Variants in TRMT1L observed in about 807,000 individuals in gnomAD.
The protein encoded by TRMT1L is tRNA (guanine(27)-N(2))-dimethyltransferase.
TRMT1L carries 28 observed loss-of-function variants against 81.6 expected under a neutral mutation model. The observed-to-expected ratio is 0.34, with a 90% CI of 0.25 to 0.47. The LOEUF (loss-of-function observed/expected upper bound fraction) is 0.47. Among genes scored for constraint, TRMT1L ranks in the 20% least tolerant of loss-of-function variants. The probability of loss-of-function intolerance (pLI) is 1.00; values close to 1 mark genes in which losing one functional copy is unlikely to be tolerated. For synonymous variants in TRMT1L, 301 were observed against 303.2 expected (o/e 0.99, Z 0.07); for missense variants, 739 against 877.1 (o/e 0.84, Z 1.99).
intron 10 of TRMT1L, among the ~76,000 whole-genome samples, chr1:185,132,713 C>A (rs1652804889): frequency 6.6e-6 from 1 of 151,878 alleles, no homozygotes; most frequent in Non-Finnish European, 1.5e-5. Context: ...ACAAGAAAAG[C>A]AGCAGACTTC....
intron 10 of TRMT1L, among the ~76,000 whole-genome samples, chr1:185,129,841 G>A (rs1194568190): frequency 9.2e-6 from 1 of 108,562 alleles, no homozygotes; most frequent in African/African-American, 5.3e-5. Flanking sequence ...TAGCACTGAC[G>A]TAAAGTTTTG....
intron 10 of TRMT1L, among the ~76,000 whole-genome samples, chr1:185,132,077 G>A (rs543229045): frequency 4.9e-4 from 75 of 152,148 alleles, no homozygotes; most frequent in African/African-American, 1.8e-3. Context: ...GGAGGCAGAG[G>A]TTGCAGTGAG....
At chr1:185,141,468 C>T (rs1279264049) in intron 7 of TRMT1L, among the ~76,000 whole-genome samples, 2 of 152,138 alleles carry the variant, frequency 1.3e-5, no homozygotes, top group African/African-American at 4.8e-5. Context: ...CTTTGGGAGG[C>T]TGGGGCGGGT....
intron 10 of TRMT1L, among the ~76,000 whole-genome samples, chr1:185,133,748 C>T (rs979862908): frequency 6.6e-6 from 1 of 152,046 alleles, no homozygotes; most frequent in African/African-American, 2.4e-5. Context: ...AGGGCACAAA[C>T]CACTGACCAA....
chr1:185,147,487 A>G (rs1409002271), intron 3 of TRMT1L, among the ~76,000 whole-genome samples: 2 of 152,156 alleles, frequency 1.3e-5, no homozygotes. Flanking sequence ...TTTGAATTCT[A>G]GTTCCGCCAT....
At chr1:185,156,352 T>C (rs1571363991) in intron 1 of TRMT1L, 126 bp downstream of exon 1, 1 of 1,604,546 alleles carries the variant, frequency 6.2e-7, no homozygotes, top group South Asian at 1.1e-5. Context: ...CCCTCTTTCC[T>C]CCCCACCATT....
chr1:185,136,531 T>C (rs907470578), intron 10 of TRMT1L, among the ~76,000 whole-genome samples: 2 of 152,224 alleles, frequency 1.3e-5, no homozygotes, highest in Non-Finnish European at 2.9e-5. Flanking sequence ...ATGAAAAGCA[T>C]ATCATATTTG....
At chr1:185,127,672 T>C (rs1234149996) in intron 11 of TRMT1L, among the ~76,000 whole-genome samples, 1 of 149,542 alleles carries the variant, frequency 6.7e-6, no homozygotes, top group Non-Finnish European at 1.5e-5. Flanking sequence ...GGTAGGAAAA[T>C]TGCTTGAACC....
intron 2 of TRMT1L, among the ~76,000 whole-genome samples, chr1:185,150,695 A>C (rs1041232461): frequency 6.7e-6 from 1 of 149,908 alleles, no homozygotes; most frequent in African/African-American, 2.5e-5. Context: ...TTTCACCCTA[A>C]AATTTCCCTC....
Position 185,123,772 on chromosome 1 carries a change from T to C in TRMT1L, c.1822+85A>G, listed in dbSNP as rs978397975. 2.1e-5 allele frequency: 16 copies of C among 775,508 alleles called. No homozygotes were observed. The Admixed American group carries it at 5.3e-4, about 25-fold the overall frequency. 48.0% of individuals were successfully genotyped at this position (775,508 alleles called of 1,614,324 possible). ...AAATGTATTTTTAAGTAGGCTACCA[T>C]GGCAATCTCTTCTCTTCCTACCCTT... On this transcript the variant is annotated intron_variant, in intron 13 of 14. Transcript: ENST00000367506.
chr1:185,153,830 T>G (rs1300453076), intron 1 of TRMT1L, among the ~76,000 whole-genome samples: 3 of 152,164 alleles, frequency 2.0e-5, no homozygotes, highest in South Asian at 4.2e-4. Flanking sequence ...TAATATTATG[T>G]TATTAGGTTA....
intron 10 of TRMT1L, among the ~76,000 whole-genome samples, chr1:185,130,304 TTAAA>T (rs1422462437): frequency 1.3e-5 from 2 of 152,162 alleles, no homozygotes; most frequent in Admixed American, 1.3e-4. Flanking sequence ...ATGCAACAGA[TTAAA>T]CATGCACTCT....
intron 7 of TRMT1L, among the ~76,000 whole-genome samples, chr1:185,140,555 C>G (rs1049181678): frequency 1.3e-5 from 2 of 151,882 alleles, no homozygotes; most frequent in African/African-American, 4.8e-5. Flanking sequence ...TGGGATTACT[C>G]TGCTTGAAGG....
At chr1:185,124,757 A>G in intron 12 of TRMT1L, 187 bp downstream of exon 12, 1 of 444,260 alleles carries the variant, frequency 2.3e-6, no homozygotes, top group Non-Finnish European at 3.8e-6. Context: ...CTCAGGCCTG[A>G]TTACAAGCCT....
chr1:185,151,933 T>C lies in TRMT1L; in HGVS notation c.238A>G (p.Arg80Gly). The C allele has an allele frequency of 1.3e-6, 2 of 1,572,618 alleles. No homozygotes were observed. Among genetic ancestry groups the C allele is most frequent in the South Asian group, 1.2e-5 (1 of 84,538 alleles). The part of the protein sequence containing the change: ...ASAPEEAKSK[R>G]HISIQRQLAD... ...AGCTGCCTTTGAATTGAGATGTGTC[T>C]CTCTGAAAAAAAAAATTGAGAAGAT... Residue 80 changes from arginine to glycine, a missense_variant and splice_region_variant, in exon 2 of 15, where the codon AGA becomes GGA. Coordinates refer to ENST00000367506, the MANE Select transcript of TRMT1L (RefSeq NM_030934.5).
chr1:185,128,616 A>G, intron 11 of TRMT1L, 53 bp downstream of exon 11: 1 of 1,521,408 alleles, frequency 6.6e-7, no homozygotes, highest in Non-Finnish European at 9.1e-7. Flanking sequence ...TCAGCAATTA[A>G]TAAATCAATC....
chr1:185,130,177 A>G (rs1162906847), intron 10 of TRMT1L, among the ~76,000 whole-genome samples: 1 of 152,242 alleles, frequency 6.6e-6, no homozygotes, highest in Non-Finnish European at 1.5e-5. Flanking sequence ...AGTTACTAGC[A>G]GCAAATAATG....
At chr1:185,152,047 G>C in intron 1 of TRMT1L, 112 bp from the exon 2 acceptor site, 2 of 530,376 alleles carry the variant, frequency 3.8e-6, no homozygotes, top group South Asian at 8.8e-5. Context: ...TATGGACCTA[G>C]ATGGGGAATA....
intron 3 of TRMT1L, among the ~76,000 whole-genome samples, chr1:185,149,014 T>C (rs1481065513): frequency 6.6e-6 from 1 of 152,238 alleles, no homozygotes; most frequent in African/African-American, 2.4e-5. Flanking sequence ...TTAAGATTGA[T>C]ACTTAGGTTT....
Sources: allele counts gnomAD v4.1 joint callset (sites outside exome capture counted in the v4.1 genomes callset), GRCh38; gene constraint gnomAD v4.1.1; transcripts MANE v1.5; gene names NCBI Gene and HGNC (gene_info 2026-07-23, HGNC 2026-07-21).